TENM3: variants seen among roughly 807,000 people sequenced by gnomAD.
TENM3 encodes teneurin transmembrane protein 3, also known as teneurin-3.
In TENM3, 63 loss-of-function variants were observed where a neutral mutation model predicts 255.1. The observed-to-expected ratio is 0.25, with a 90% CI of 0.20 to 0.30. The LOEUF is 0.30. Ranked by LOEUF, TENM3 falls within the 10% of genes least tolerant of loss-of-function variation. The probability of loss-of-function intolerance (pLI) is 1.00; values close to 1 mark genes in which losing one functional copy is unlikely to be tolerated. For synonymous variants in TENM3, 1,306 were observed against 1,322.3 expected (o/e 0.99, Z 0.27); for missense variants, 2,929 against 3,461.1 (o/e 0.85, Z 3.86).
chr4:182,262,745 G>A (rs13120360), intron 1 of TENM3, among the ~76,000 whole-genome samples: 23,417 of 139,136 alleles, frequency 0.17, 2,604 homozygotes, highest in Middle Eastern at 0.24. Context: ...TTTTTGAGAC[G>A]GAATCTCGCC....
intron 2 of TENM3, among the ~76,000 whole-genome samples, chr4:182,344,090 T>A (rs114456274): frequency 0.061 from 5,119 of 83,848 alleles, 186 homozygotes; most frequent in African/African-American, 0.12. Flanking sequence ...TTTAAGTGAT[T>A]TTTTTCATTT....
chr4:182,476,070 G>A (rs997973512), intron 3 of TENM3, among the ~76,000 whole-genome samples: 6 of 152,134 alleles, frequency 3.9e-5, no homozygotes, highest in Admixed American at 6.5e-5. Context: ...TTTAAAAATG[G>A]CATTTGCCAT....
chr4:181,541,728 C>T, the TENM3 span, among the ~76,000 whole-genome samples: 2 of 152,328 alleles, frequency 1.3e-5, no homozygotes, highest in African/African-American at 4.8e-5. Flanking sequence ...AGGGATGTCT[C>T]ATCAGAACAC....
the TENM3 span, among the ~76,000 whole-genome samples, chr4:181,950,294 C>G: frequency 1.3e-4 from 20 of 152,066 alleles, no homozygotes; most frequent in African/African-American, 4.8e-4. Context: ...ACAAAATGGC[C>G]CCACCCTTAT....
chr4:182,505,289 A>C (rs1010138385), intron 3 of TENM3, among the ~76,000 whole-genome samples: 6 of 151,628 alleles, frequency 4.0e-5, no homozygotes, highest in Admixed American at 6.6e-5. Flanking sequence ...TTCTGCAAAG[A>C]TGAAAATCTG....
At chr4:181,669,912 G>A in the TENM3 span, among the ~76,000 whole-genome samples, 1 of 152,154 alleles carries the variant, frequency 6.6e-6, no homozygotes, top group East Asian at 1.9e-4. Context: ...CAGGTTGAAA[G>A]CTGGTGTAGA....
At chr4:181,531,480 G>A in the TENM3 span, among the ~76,000 whole-genome samples, 2 of 152,076 alleles carry the variant, frequency 1.3e-5, no homozygotes, top group Non-Finnish European at 2.9e-5. Flanking sequence ...TGGAAGGCAG[G>A]GTGATTAAGG....
the TENM3 span, among the ~76,000 whole-genome samples, chr4:181,795,916 A>G: frequency 6.6e-6 from 1 of 152,198 alleles, no homozygotes; most frequent in East Asian, 1.9e-4. Context: ...AATGACTCCA[A>G]TGGGCAAAGC....
the TENM3 span, among the ~76,000 whole-genome samples, chr4:181,820,923 G>A: frequency 6.6e-6 from 1 of 152,160 alleles, no homozygotes; most frequent in Non-Finnish European, 1.5e-5. Flanking sequence ...AATTTTAAAG[G>A]TGCTCAGATG....
At chr4:181,470,268 G>T in the TENM3 span, among the ~76,000 whole-genome samples, 1 of 152,124 alleles carries the variant, frequency 6.6e-6, no homozygotes. Context: ...TCAGTTTACT[G>T]GGTCTTTGTG....
At chr4:181,908,615 C>T in the TENM3 span, among the ~76,000 whole-genome samples, 1 of 151,962 alleles carries the variant, frequency 6.6e-6, no homozygotes, top group East Asian at 1.9e-4. Flanking sequence ...TAGAGAAATT[C>T]GGGGCCTAGT....
At chr4:182,204,896 A>C (rs1410907245) in intron 1 of TENM3, among the ~76,000 whole-genome samples, 1 of 152,210 alleles carries the variant, frequency 6.6e-6, no homozygotes, top group Non-Finnish European at 1.5e-5. Flanking sequence ...TTTCTCTAAA[A>C]AGTAACTTCA....
the TENM3 span, among the ~76,000 whole-genome samples, chr4:181,582,669 C>CAAAAAAAAAAAAAAAAAGAAAAAAAAAA: frequency 1.6e-5 from 2 of 124,754 alleles, no homozygotes; most frequent in Non-Finnish European, 3.3e-5. Flanking sequence ...CAAAACAAAT[C>CAAAAAAAAAAAAAAAAAGAAAAAAAAAA]AAAAAAAAAA....
chr4:182,400,000 G>T (rs1361375616), intron 3 of TENM3, among the ~76,000 whole-genome samples: 1 of 152,108 alleles, frequency 6.6e-6, no homozygotes, highest in Non-Finnish European at 1.5e-5. Flanking sequence ...TGTTTTACTT[G>T]TGTGTCTTGG....
At chr4:182,616,807 T>C (rs1749588306) in intron 4 of TENM3, among the ~76,000 whole-genome samples, 1 of 152,160 alleles carries the variant, frequency 6.6e-6, no homozygotes, top group Non-Finnish European at 1.5e-5. Context: ...TGGATGTCTA[T>C]TGAGAATCAG....
upstream of TENM3, chr4:182,142,160 A>G (rs11132114): frequency 0.52 from 78,203 of 151,674 alleles, 20,413 homozygotes; most frequent in Admixed American, 0.59. Flanking sequence ...TAAATGAGTG[A>G]GGGATATCAT....
At chr4:182,029,756 T>C in the TENM3 span, among the ~76,000 whole-genome samples, 1 of 152,154 alleles carries the variant, frequency 6.6e-6, no homozygotes, top group African/African-American at 2.4e-5. Flanking sequence ...CTTGTATTCA[T>C]ATGAAGAAAT....
At chr4:182,490,436 A>AT (rs1209658161) in intron 3 of TENM3, among the ~76,000 whole-genome samples, 5 of 151,942 alleles carry the variant, frequency 3.3e-5, no homozygotes, top group Non-Finnish European at 7.4e-5. Context: ...TTTTGCCTTG[A>AT]TGAGGGACAG....
At chr4:182,335,900 A>G (rs1334709940) in intron 2 of TENM3, among the ~76,000 whole-genome samples, 1 of 152,202 alleles carries the variant, frequency 6.6e-6, no homozygotes, top group Admixed American at 6.5e-5. Flanking sequence ...AGAAATTCAC[A>G]CGGTCAGTAA....
Sources: allele counts gnomAD v4.1 joint callset (sites outside exome capture counted in the v4.1 genomes callset), GRCh38; gene constraint gnomAD v4.1.1; transcripts MANE v1.5; gene names NCBI Gene and HGNC (gene_info 2026-07-23, HGNC 2026-07-21).